The following SCGB2B2 variants were observed in gnomAD, a reference collection of about 807,000 sequenced individuals.
SCGB2B2 encodes the protein secretoglobin family 2B member 2.
A neutral mutation model predicts 7.6 loss-of-function variants in SCGB2B2; 11 were observed. That is an observed-to-expected ratio of 1.45 (90% CI 0.91 to 2.40). The LOEUF is 2.40. Among genes scored for constraint, SCGB2B2 ranks in the 30% most tolerant of loss-of-function variants. The pLI is 0.00. For synonymous variants in SCGB2B2, 50 were observed against 48.6 expected (o/e 1.03, Z -0.12); for missense variants, 104 against 115.4 (o/e 0.90, Z 0.45).
intron 1 of SCGB2B2, among the ~76,000 whole-genome samples, chr19:34,672,118 G>T (rs1213903299): frequency 2.0e-5 from 3 of 151,780 alleles, no homozygotes; most frequent in Admixed American, 1.3e-4. Flanking sequence ...TCCAGGTGGG[G>T]TGTAAAAATA....
intron 1 of SCGB2B2, among the ~76,000 whole-genome samples, chr19:34,622,367 G>A (rs1475840150): frequency 6.6e-6 from 1 of 152,220 alleles, no homozygotes; most frequent in Non-Finnish European, 1.5e-5. Flanking sequence ...CAGGGACTGA[G>A]TTTTAGCTGC....
At position 34,593,378 on chromosome 19, in the gene SCGB2B2, AC is replaced by A. The variant is rs1457700474; in HGVS notation, c.*176del. Reference sequence around the variant, plus strand: ...CTCAGTCGCATATTTTCACACTGGGACCCTGGTCACACTCTGCATATGCGGT... The same window carrying A: ...CTCAGTCGCATATTTTCACACTGGGACCTGGTCACACTCTGCATATGCGGT... On this transcript the variant is annotated 3_prime_UTR_variant, in exon 4 of 4. Coordinates refer to ENST00000601241, the MANE Select transcript of SCGB2B2 (RefSeq NM_001025591.4). 1.8e-6 allele frequency: 1 copy of A among 557,774 alleles called. No homozygotes were observed. Among genetic ancestry groups the A allele is most frequent in the African/African-American group, 1.9e-5 (1 of 53,130 alleles). 34.6% of individuals were successfully genotyped at this position (557,774 alleles called of 1,614,324 possible). A position where few individuals can be genotyped will look rare whatever the true frequency, so the allele number is the denominator to read the frequency against.
At chr19:34,588,527 C>G (rs2316), downstream of SCGB2B2, among the ~76,000 whole-genome samples, 2,455 of 152,266 alleles carry the variant, frequency 0.016, 43 homozygotes, top group East Asian at 0.087. Flanking sequence ...AGATCCCTAA[C>G]CTGCATAGGT....
chr19:34,633,246 A>G (rs577474921), intron 1 of SCGB2B2, among the ~76,000 whole-genome samples: 1 of 152,322 alleles, frequency 6.6e-6, no homozygotes, highest in African/African-American at 2.4e-5. Context: ...ACCTGTATAA[A>G]TTAACATCCC....
intron 1 of SCGB2B2, among the ~76,000 whole-genome samples, chr19:34,621,957 T>C (rs2066253213): frequency 1.3e-5 from 2 of 152,216 alleles, no homozygotes; most frequent in African/African-American, 4.8e-5. Context: ...AACTGGACTG[T>C]AGATTCCTCT....
intron 1 of SCGB2B2, among the ~76,000 whole-genome samples, chr19:34,607,262 T>G (rs1200667050): frequency 1.3e-5 from 2 of 152,242 alleles, no homozygotes; most frequent in Admixed American, 1.3e-4. Context: ...CCATTGTATA[T>G]TTTATAAAAC....
At chr19:34,664,791 C>T (rs1313089522) in intron 1 of SCGB2B2, among the ~76,000 whole-genome samples, 4 of 152,272 alleles carry the variant, frequency 2.6e-5, no homozygotes, top group Non-Finnish European at 5.9e-5. Context: ...GCAGCTCCCG[C>T]TGACCCCTCT....
intron 1 of SCGB2B2, among the ~76,000 whole-genome samples, chr19:34,664,477 T>C (rs1176955205): frequency 6.6e-6 from 1 of 152,042 alleles, no homozygotes; most frequent in Non-Finnish European, 1.5e-5. Context: ...CACAAGCAAG[T>C]AGGTGGCTCA....
intron 1 of SCGB2B2, among the ~76,000 whole-genome samples, chr19:34,648,337 C>G (rs542116420): frequency 6.6e-6 from 1 of 152,124 alleles, no homozygotes; most frequent in African/African-American, 2.4e-5. Context: ...CAGCTTTTAA[C>G]GATCAAAGGC....
rs1249187014 is a variant in SCGB2B2 at position 34,591,314 on chromosome 19, T to C, written c.*2241A>G. ...CTCCAGCCCAAATGTGATGAGATCA[T>C]TTTGATTCCCCTTCTCTCCACATCC... On this transcript the variant is annotated 3_prime_UTR_variant, in exon 4 of 4. Transcript: ENST00000601241. 4.6e-5 allele frequency among the ~76,000 whole-genome samples: 7 copies of C among 152,194 alleles called. No homozygotes were observed. The highest frequency in any genetic ancestry group is 2.6e-4 in the Admixed American group (4 of 15,280).
intron 1 of SCGB2B2, among the ~76,000 whole-genome samples, chr19:34,615,282 TTA>T (rs1475887458): frequency 1.3e-5 from 2 of 152,142 alleles, no homozygotes; most frequent in Non-Finnish European, 2.9e-5. Context: ...TCAGTCAGGC[TTA>T]GTGTCTAAAA....
downstream of SCGB2B2, among the ~76,000 whole-genome samples, chr19:34,589,299 C>A (rs1470241112): frequency 1.3e-5 from 2 of 151,884 alleles, no homozygotes; most frequent in Non-Finnish European, 2.9e-5. Context: ...CTGGTCAGGG[C>A]AGAGAGGATG....
rs544928850 is a variant in SCGB2B2, at chr19:34,592,394, C to G, written c.*1161G>C. The stretch of plus-strand genomic sequence containing the variant: ...GTATTCCCATGGAAGGGGAGTGAGG[C>G]TGGAGGCAGGGAGACTCAGAGGGAT... On this transcript the variant is annotated 3_prime_UTR_variant, in exon 4 of 4. Coordinates refer to ENST00000601241, the MANE Select transcript of SCGB2B2 (RefSeq NM_001025591.4). 6.6e-6 allele frequency among the ~76,000 whole-genome samples: 1 copy of G among 152,022 alleles called. No individual in the cohort carries two copies. The highest frequency in any genetic ancestry group is 6.5e-5 in the Admixed American group (1 of 15,274).
In SCGB2B2 at chr19:34,667,492, T is replaced by A. The variant is rs550643372; in HGVS notation, c.-2032+8138A>T. ...GCCCCTCCTCCCACTCCTGCTGTGC[T>A]AATTGGGGCTGATTGCGGGCCACTA... is the stretch of plus-strand genomic sequence containing the variant. On this transcript the variant is annotated intron_variant, in intron 1 of 3. Transcript: ENST00000601241. 6.6e-5 allele frequency among the ~76,000 whole-genome samples: 10 copies of A among 152,022 alleles called. 1 individual carries two copies. In the East Asian group the frequency reaches 1.9e-3, roughly 30 times the overall value.
chr19:34,620,416 A>G (rs1271375208), intron 1 of SCGB2B2, among the ~76,000 whole-genome samples: 2 of 151,390 alleles, frequency 1.3e-5, no homozygotes, highest in African/African-American at 4.9e-5. Context: ...TTCTGAGCAA[A>G]CTATTGCAAG....
chr19:34,627,363 C>T (rs964682777), intron 1 of SCGB2B2, among the ~76,000 whole-genome samples: 2 of 152,160 alleles, frequency 1.3e-5, no homozygotes, highest in Non-Finnish European at 1.5e-5. Flanking sequence ...TCAGGAGACC[C>T]ATCTCATGTG....
intron 1 of SCGB2B2, among the ~76,000 whole-genome samples, chr19:34,598,505 C>T (rs1342932570): frequency 6.6e-6 from 1 of 151,552 alleles, no homozygotes; most frequent in Admixed American, 6.6e-5. Flanking sequence ...CTTGGGCATC[C>T]TGCAGAGGAT....
chr19:34,652,296 C>CTAT lies in SCGB2B2; in HGVS notation c.-2032+23331_-2032+23333dup, dbSNP rs537163774. ...AACTGGATTATATTAAACTAAAAAG[C>CTAT]TATTGCACAGCAAATGAAACAATCA... On this transcript the variant is annotated intron_variant, in intron 1 of 3. Transcript: ENST00000601241. Among the ~76,000 whole-genome samples the CTAT allele has an allele frequency of 1.3e-3, 195 of 151,140 alleles. 10 individuals carry two copies. Among genetic ancestry groups the CTAT allele is most frequent in the African/African-American group, 4.3e-3 (176 of 40,516 alleles).
chr19:34,608,804 C>T (rs1032605821), intron 1 of SCGB2B2: 13 of 150,790 alleles, frequency 8.6e-5, no homozygotes, highest in African/African-American at 2.4e-4. Context: ...GATATGTCTT[C>T]GATATACTAA....
Sources: allele counts gnomAD v4.1 joint callset (sites outside exome capture counted in the v4.1 genomes callset), GRCh38; gene constraint gnomAD v4.1.1; transcripts MANE v1.5; gene names NCBI Gene and HGNC (gene_info 2026-07-23, HGNC 2026-07-21).